The following NALCN variants were observed in gnomAD, a reference collection of about 807,000 sequenced individuals.
The protein encoded by NALCN is sodium leak channel NALCN.
NALCN carries 111 observed loss-of-function variants against 225.3 expected under a neutral mutation model. That is an observed-to-expected ratio of 0.49 (90% CI 0.42 to 0.58). The LOEUF (loss-of-function observed/expected upper bound fraction) is 0.58. Ranked by LOEUF, NALCN falls within the 20% of genes least tolerant of loss-of-function variation. The pLI is 0.00. For synonymous variants in NALCN, 764 were observed against 769.0 expected (o/e 0.99, Z 0.11); for missense variants, 1,378 against 2,202.4 (o/e 0.63, Z 7.49).
At chr13:101,296,873 T>A (rs2043776568) in intron 7 of NALCN, among the ~76,000 whole-genome samples, 2 of 152,200 alleles carry the variant, frequency 1.3e-5, no homozygotes, top group Non-Finnish European at 2.9e-5. Context: ...CACTGGTGGT[T>A]TGAATTGATT....
chr13:101,397,121 C>CACACACAT (rs1555346500), intron 2 of NALCN, among the ~76,000 whole-genome samples: 4 of 109,000 alleles, frequency 3.7e-5, no homozygotes, highest in African/African-American at 1.0e-4. Context: ...CATACACATA[C>CACACACAT]ATATATATAA....
chr13:101,279,313 C>T (rs1035663121), intron 10 of NALCN, among the ~76,000 whole-genome samples: 10 of 152,100 alleles, frequency 6.6e-5, no homozygotes, highest in African/African-American at 1.2e-4. Flanking sequence ...AATGTCAGTG[C>T]TTCCTGGAGG....
intron 13 of NALCN, among the ~76,000 whole-genome samples, chr13:101,200,604 G>A (rs1388686817): frequency 2.6e-5 from 4 of 152,050 alleles, no homozygotes; most frequent in African/African-American, 9.7e-5. Flanking sequence ...AACATAGGTG[G>A]GCTAGGCCAT....
intron 14 of NALCN, among the ~76,000 whole-genome samples, chr13:101,185,470 T>C (rs2039410565): frequency 1.3e-5 from 2 of 152,132 alleles, no homozygotes; most frequent in Admixed American, 1.3e-4. Flanking sequence ...GCAGGAAAAA[T>C]GGAGTCTTTC....
At chr13:101,061,827 T>G (rs1178267287) in intron 41 of NALCN, 141 bp downstream of exon 41, 4 of 708,440 alleles carry the variant, frequency 5.6e-6, no homozygotes, top group Non-Finnish European at 9.1e-6. Context: ...TAAGTGGAGG[T>G]AGTGGACATA....
intron 1 of NALCN, among the ~76,000 whole-genome samples, chr13:101,406,299 CTGGG>C (rs1398431388): frequency 1.3e-5 from 2 of 151,996 alleles, no homozygotes; most frequent in Non-Finnish European, 2.9e-5. Context: ...GCCCCTCAGC[CTGGG>C]TGACAGAGTG....
chr13:101,317,178 A>G (rs1490227976), intron 7 of NALCN, among the ~76,000 whole-genome samples: 1 of 152,184 alleles, frequency 6.6e-6, no homozygotes, highest in African/African-American at 2.4e-5. Context: ...GTTCTGAATC[A>G]TTTAAGTTTG....
chr13:101,104,715 A>G lies in NALCN; in HGVS notation c.2637-65T>C, dbSNP rs1342328177. The G allele has an allele frequency of 4.4e-6, 7 of 1,602,484 alleles. No homozygotes were observed. In the East Asian group the frequency reaches 1.6e-4, roughly 36 times the overall value. On this transcript the variant is annotated intron_variant, in intron 23 of 43. Coordinates refer to ENST00000251127, the MANE Select transcript of NALCN (RefSeq NM_052867.4). The surrounding 1 kb of genome is among the most constrained non-coding windows in gnomAD (Gnocchi z 4.2). ...CAGGAAAGGCTTCTAAGAGTTAGAGATGATGGCTTCTGTGGCTCTATCAAC... is the reference window on the plus strand; with the variant it reads ...CAGGAAAGGCTTCTAAGAGTTAGAGGTGATGGCTTCTGTGGCTCTATCAAC...
At chr13:101,319,816 T>C (rs1277944057) in intron 7 of NALCN, among the ~76,000 whole-genome samples, 4 of 126,616 alleles carry the variant, frequency 3.2e-5, no homozygotes, top group Non-Finnish European at 7.4e-5. Flanking sequence ...CAAATTATCA[T>C]TTTACTTTTA....
intron 37 of NALCN, among the ~76,000 whole-genome samples, chr13:101,070,054 A>C (rs899902015): frequency 2.3e-5 from 3 of 128,870 alleles, no homozygotes; most frequent in Non-Finnish European, 4.8e-5. Flanking sequence ...CCTTCCATGA[A>C]TCATGAATGT....
chr13:101,137,597 G>A (rs1031491066), intron 17 of NALCN, among the ~76,000 whole-genome samples: 1 of 152,130 alleles, frequency 6.6e-6, no homozygotes, highest in African/African-American at 2.4e-5. Context: ...AAGACACCGT[G>A]TAGACAATAG....
At chr13:101,072,266 A>G (rs1014338860) in intron 37 of NALCN, among the ~76,000 whole-genome samples, 4 of 152,248 alleles carry the variant, frequency 2.6e-5, no homozygotes, top group Non-Finnish European at 5.9e-5. Context: ...TAAACCTTCA[A>G]CTTGTAAAAA....
chr13:101,190,843 A>AT (rs1051956974), intron 14 of NALCN, among the ~76,000 whole-genome samples: 1 of 152,194 alleles, frequency 6.6e-6, no homozygotes, highest in African/African-American at 2.4e-5. Context: ...TGACAAAGAC[A>AT]TTTTTTCAGA....
chr13:101,234,383 AG>A, intron 12 of NALCN, among the ~76,000 whole-genome samples: 1 of 152,372 alleles, frequency 6.6e-6, no homozygotes, highest in South Asian at 2.1e-4. Context: ...AATATTTTAA[AG>A]GAAGCCACTT....
intron 13 of NALCN, among the ~76,000 whole-genome samples, chr13:101,220,305 CT>C (rs944842476): frequency 6.6e-6 from 1 of 152,126 alleles, no homozygotes. Flanking sequence ...TGGATAATGT[CT>C]AGAGAAGGGA....
At chr13:101,337,276 TATTATTTATTTATTTA>T (rs1272028421) in intron 7 of NALCN, among the ~76,000 whole-genome samples, 14 of 141,318 alleles carry the variant, frequency 9.9e-5, no homozygotes, top group African/African-American at 3.6e-4. Context: ...ATTTACTCTT[TATTATTTATTTATTTA>T]TTTATTTATT....
At chr13:101,406,257 T>G (rs572861374) in intron 1 of NALCN, among the ~76,000 whole-genome samples, 1 of 151,772 alleles carries the variant, frequency 6.6e-6, no homozygotes, top group African/African-American at 2.4e-5. Context: ...GCCTGGGAAG[T>G]AGAGGCTGCA....
intron 6 of NALCN, among the ~76,000 whole-genome samples, chr13:101,354,343 AAAAAG>A (rs1227519950): frequency 1.3e-5 from 2 of 152,202 alleles, no homozygotes; most frequent in African/African-American, 2.4e-5. Flanking sequence ...ATTCCACCTC[AAAAAG>A]AAAAGAAAAG....
intron 9 of NALCN, among the ~76,000 whole-genome samples, chr13:101,289,676 C>G (rs1336787182): frequency 6.6e-6 from 1 of 152,034 alleles, no homozygotes; most frequent in African/African-American, 2.4e-5. Context: ...TGCAAATTTT[C>G]CATATGCTAG....
Sources: gnomAD v4.1 joint callset for allele counts (sites outside exome capture counted in the v4.1 genomes callset) on GRCh38, gnomAD v4.1.1 for gene constraint, Gnocchi (gnomAD v3.1) non-coding constraint, MANE v1.5 for transcripts, NCBI Gene and HGNC (gene_info 2026-07-23, HGNC 2026-07-21) for gene names.